Variants in PHYHIP observed in about 807,000 individuals in gnomAD.
PHYHIP encodes the protein phytanoyl-CoA hydroxylase-interacting protein.
A neutral mutation model predicts 26.1 loss-of-function variants in PHYHIP; 7 were observed. That is an observed-to-expected ratio of 0.27 (90% confidence interval 0.15 to 0.50). The LOEUF (loss-of-function observed/expected upper bound fraction) is 0.50. PHYHIP is among the 20% of genes least tolerant of loss of function. PHYHIP has a pLI of 0.98. For missense variants in PHYHIP, 232 were observed against 454.7 expected, an observed-to-expected ratio of 0.51 and a Z score of 4.45; for synonymous variants, 206 against 183.4, an observed-to-expected ratio of 1.12 and a Z score of -1.00.
chr8:22,230,371 C>T (rs144602743), intron 1 of PHYHIP, among the ~76,000 whole-genome samples: 2 of 152,076 alleles, frequency 1.3e-5, no homozygotes. Context: ...CTGTGTTTGG[C>T]GGTAGGGGTC....
chr8:22,223,934 G>A (rs1382769457), intron 4 of PHYHIP: 1 of 321,426 alleles, frequency 3.1e-6, no homozygotes, highest in Non-Finnish European at 5.7e-6. Flanking sequence ...GTAGACCCCT[G>A]TGAAAGGAAC....
At chr8:22,228,439 G>A (rs1427001407) in intron 1 of PHYHIP, 53 bp from the exon 2 acceptor site, 8 of 1,048,410 alleles carry the variant, frequency 7.6e-6, no homozygotes, top group Non-Finnish European at 1.1e-5. Context: ...GAGCTTTCTG[G>A]AATGTCCTCC....
chr8:22,221,856 G>T lies in PHYHIP; in HGVS notation c.490C>A (p.Leu164Met). 1 of 1,555,352 alleles carries T rather than the reference G, an allele frequency of 6.4e-7. No individual in the cohort carries two copies. The highest frequency in any genetic ancestry group is 8.7e-7 in the Non-Finnish European group (1 of 1,148,596). ...CCGTGGCTGCCACTGTTGTCCTTCA[G>T]GTAAGGCTGCAGCATGTTCCCGCAG... ...THCGNMLQPY[L>M]KDNSGSHGSP... The change falls in exon 5 of 5, where the codon CTG (leucine) becomes ATG (methionine). Residue 164 changes from leucine to methionine, a missense_variant. Leu to Met is a conservative substitution (Grantham distance 15). Transcript: ENST00000454243. This position sits in a 1 kb window ranked among gnomAD's most constrained non-coding sequence, Gnocchi z 7.9.
At chr8:22,226,792 A>C in intron 3 of PHYHIP, 59 bp downstream of exon 3, 1 of 1,501,218 alleles carries the variant, frequency 6.7e-7, no homozygotes, top group African/African-American at 1.4e-5. Flanking sequence ...ACCCGCCTTG[A>C]CCACAGCAAA....
rs115574954 is a variant in PHYHIP, at chr8:22,224,186, G to A, written c.458+40C>T. The A allele has an allele frequency of 1.2e-3, 1,419 of 1,188,734 alleles. 18 individuals carry two copies. In the African/African-American group the frequency reaches 0.019, roughly 16 times the overall value. The allele number at this position is 1,188,734 out of a possible 1,614,324, so 73.6% of individuals were successfully genotyped here. On this transcript the variant is annotated intron_variant, in intron 4 of 4. Transcript: ENST00000454243. ...AGGAGCAGGAAGGGCTGGGAGGGAGGAGAGGCCCGGCGGGTCCAGCCGGGA... is the reference window on the plus strand; with the variant it reads ...AGGAGCAGGAAGGGCTGGGAGGGAGAAGAGGCCCGGCGGGTCCAGCCGGGA...
intron 3 of PHYHIP, 123 bp downstream of exon 3, chr8:22,226,728 A>C: frequency 1.1e-6 from 1 of 903,778 alleles, no homozygotes; most frequent in Non-Finnish European, 1.6e-6. Flanking sequence ...TGGCCCAAGC[A>C]CGCTGCCTGG....
rs939204125 is a variant in PHYHIP, at chr8:22,221,990, C to G, written c.459-103G>C. 1 of 974,954 alleles carries G rather than the reference C, an allele frequency of 1.0e-6. No homozygotes were observed. Among genetic ancestry groups the G allele is most frequent in the Non-Finnish European group, 1.5e-6 (1 of 679,620 alleles). The allele number at this position is 974,954 out of a possible 1,614,324, so 60.4% of individuals were successfully genotyped here. A position where few individuals can be genotyped will look rare whatever the true frequency, so the allele number is the denominator to read the frequency against. On this transcript the variant is annotated intron_variant, in intron 4 of 4. Transcript: ENST00000454243. The surrounding 1 kb of genome is among the most constrained non-coding windows in gnomAD (Gnocchi z 7.9). ...GTGGTCGAGGAGGGAGGAAGCCAGC[C>G]CAGCTCCCAGCCCTCCCCCAGCCGC...
chr8:22,223,708 A>T (rs2131922743), intron 4 of PHYHIP: 1 of 152,982 alleles, frequency 6.5e-6, no homozygotes, highest in East Asian at 1.9e-4. Flanking sequence ...ACTGGAGGTC[A>T]GGTGTGGGGC....
In PHYHIP at chr8:22,224,135, TG is replaced by T. The variant is rs1476316806; in HGVS notation, c.458+90del. ...GAGGAGGGACTGGCAGCCACGAGGG[TG>T]GGGGTGACCTCAGACAGCCAGGACA... is the stretch of plus-strand genomic sequence containing the variant. On this transcript the variant is annotated intron_variant, in intron 4 of 4. Coordinates refer to ENST00000454243, the MANE Select transcript of PHYHIP (RefSeq NM_014759.5). 15 of 777,782 alleles carry T rather than the reference TG, an allele frequency of 1.9e-5. No homozygotes were observed. The Middle Eastern group carries it at 7.5e-4, about 39-fold the overall frequency. 48.2% of individuals were successfully genotyped at this position (777,782 alleles called of 1,614,324 possible).
chr8:22,230,535 G>A (rs1280718658), intron 1 of PHYHIP, among the ~76,000 whole-genome samples: 4 of 152,214 alleles, frequency 2.6e-5, no homozygotes, highest in East Asian at 3.9e-4. Flanking sequence ...CAGAAGACTG[G>A]GGAAGGGCAG....
chr8:22,222,448 ACAC>A (rs1259807546), intron 4 of PHYHIP, among the ~76,000 whole-genome samples: 1 of 152,190 alleles, frequency 6.6e-6, no homozygotes, highest in African/African-American at 2.4e-5. Context: ...TATGTGCAGG[ACAC>A]CCAATCTTCT....
At chr8:22,230,002 C>T (rs567288067) in intron 1 of PHYHIP, among the ~76,000 whole-genome samples, 1 of 152,170 alleles carries the variant, frequency 6.6e-6, no homozygotes, top group Non-Finnish European at 1.5e-5. Context: ...TGGCTTTGTG[C>T]ATGGGGAATC....
chr8:22,226,523 T>C (rs530329146), intron 3 of PHYHIP, among the ~76,000 whole-genome samples: 1 of 152,344 alleles, frequency 6.6e-6, no homozygotes, highest in African/African-American at 2.4e-5. Context: ...CGGCAAATTT[T>C]ACGTCATGCA....
In PHYHIP at chr8:22,228,348, G is replaced by A. The variant is rs908150834; in HGVS notation, c.10C>T (p.Leu4=). 5 of 1,592,552 alleles carry A rather than the reference G, an allele frequency of 3.1e-6. No individual in the cohort carries two copies. Among genetic ancestry groups the A allele is most frequent in the Non-Finnish European group, 4.3e-6 (5 of 1,169,438 alleles). The part of the protein sequence containing the change: MEL[L]STPHSIEINN... ...ATCTCAATGCTGTGGGGCGTGGACAGCAGCTCCATGCTCCCGTCAGGGTTG... is the reference window on the plus strand; with the variant it reads ...ATCTCAATGCTGTGGGGCGTGGACAACAGCTCCATGCTCCCGTCAGGGTTG... The change falls in exon 2 of 5, where the codon CTG becomes TTG. Residue 4 remains leucine (L), a synonymous_variant. Coordinates refer to ENST00000454243, the MANE Select transcript of PHYHIP (RefSeq NM_014759.5).
At chr8:22,227,714 C>T (rs751258819) in intron 2 of PHYHIP, 22 of 456,700 alleles carry the variant, frequency 4.8e-5, no homozygotes, top group South Asian at 1.5e-4. Flanking sequence ...GTGAGGGGCC[C>T]GAGAGGGAGA....
chr8:22,226,786 G>T (rs1265565231), intron 3 of PHYHIP, 65 bp downstream of exon 3: 2 of 1,466,634 alleles, frequency 1.4e-6, no homozygotes, highest in South Asian at 2.5e-5. Context: ...AGGAAGACCC[G>T]CCTTGACCAC....
At chr8:22,222,250 C>T (rs1829646309) in intron 4 of PHYHIP, among the ~76,000 whole-genome samples, 2 of 152,138 alleles carry the variant, frequency 1.3e-5, no homozygotes, top group East Asian at 3.9e-4. Context: ...CCTGCACACA[C>T]AGTCTCCTGC....
intron 1 of PHYHIP, among the ~76,000 whole-genome samples, chr8:22,229,470 C>T (rs1355568065): frequency 6.6e-6 from 1 of 152,170 alleles, no homozygotes; most frequent in Non-Finnish European, 1.5e-5. Context: ...ATGAGAGGAC[C>T]TCATCACGGT....
rs777000731 is a variant in PHYHIP, at chr8:22,228,363, C to T, written c.-6G>A. On this transcript the variant is annotated 5_prime_UTR_variant, in exon 2 of 5. Coordinates refer to ENST00000454243, the MANE Select transcript of PHYHIP (RefSeq NM_014759.5). The stretch of plus-strand genomic sequence containing the variant: ...GGCGTGGACAGCAGCTCCATGCTCC[C>T]GTCAGGGTTGTCTCCTGTGGGGACT... 3.7e-5 allele frequency: 58 copies of T among 1,581,164 alleles called. No homozygotes were observed. The highest frequency in any genetic ancestry group is 2.3e-4 in the Middle Eastern group (1 of 4,432).
Sources: allele counts gnomAD v4.1 joint callset (sites outside exome capture counted in the v4.1 genomes callset), GRCh38; gene constraint gnomAD v4.1.1; non-coding constraint Gnocchi (gnomAD v3.1); transcripts MANE v1.5; gene names NCBI Gene and HGNC (gene_info 2026-07-23, HGNC 2026-07-21).